SZT2: variants seen among roughly 807,000 people sequenced by gnomAD.
The protein encoded by SZT2 is KICSTOR complex protein SZT2.
In SZT2, 216 loss-of-function variants were observed where a neutral mutation model predicts 404.2. The ratio of observed to expected loss-of-function variants is 0.53; its 90% confidence interval spans 0.48 to 0.60. The LOEUF (loss-of-function observed/expected upper bound fraction) is 0.60. Ranked by LOEUF, SZT2 falls within the 20% of genes least tolerant of loss-of-function variation. The pLI, the probability that SZT2 is intolerant of heterozygous loss-of-function variation, is 0.00. For missense variants in SZT2, 3,857 were observed against 4,459.2 expected, an observed-to-expected ratio of 0.86 and a Z score of 3.85; for synonymous variants, 1,693 against 1,749.9, an observed-to-expected ratio of 0.97 and a Z score of 0.81.
intron 1 of SZT2, among the ~76,000 whole-genome samples, chr1:43,393,151 TAGA>T (rs1648609337): frequency 6.6e-6 from 1 of 152,036 alleles, no homozygotes; most frequent in Admixed American, 6.6e-5. Context: ...GAAGAATAGG[TAGA>T]AGTTTTCTAA....
chr1:43,422,378 C>CG (rs1652473340), intron 12 of SZT2, 102 bp from the exon 13 acceptor site: 13 of 1,494,600 alleles, frequency 8.7e-6, no homozygotes, highest in Non-Finnish European at 1.2e-5. Flanking sequence ...CTTCAGTCCC[C>CG]ATAACCTCAG....
chr1:43,404,222 C>CA (rs1020565274), intron 3 of SZT2, 158 bp from the exon 4 acceptor site: 25 of 660,578 alleles, frequency 3.8e-5, no homozygotes, highest in Admixed American at 6.1e-5. Context: ...TTTTTGTTTC[C>CA]AAAAAACACC....
Position 43,431,299 on chromosome 1 carries a change from T to A in SZT2, c.4951T>A (p.Ser1651Thr), listed in dbSNP as rs144533190. The A allele has an allele frequency of 1.1e-5, 17 of 1,612,274 alleles. No homozygotes were observed. Among genetic ancestry groups the A allele is most frequent in the African/African-American group, 1.3e-5 (1 of 74,784 alleles). The change falls in exon 34 of 72, where the codon TCC becomes ACC. Residue 1651 changes from serine (S) to threonine (T), a missense_variant. Transcript: ENST00000634258. Reference sequence around the variant, plus strand: ...TGAAAGCAGTGCTTCATTTCCACGATCCCCAGGGCAGCCATCATCTTTAAG... The same window carrying A: ...TGAAAGCAGTGCTTCATTTCCACGAACCCCAGGGCAGCCATCATCTTTAAG... ...TSESSASFPR[S>T]PGQPSSLRSD...
rs1480807600 is a variant in SZT2 at position 43,424,138 on chromosome 1, G to C, written c.2256-79G>C. 12 of 1,233,974 alleles carry C rather than the reference G, an allele frequency of 9.7e-6. No homozygotes were observed. The highest frequency in any genetic ancestry group is 1.2e-5 in the Non-Finnish European group (11 of 892,354). 76.4% of individuals were successfully genotyped at this position (1,233,974 alleles called of 1,614,324 possible). On this transcript the variant is annotated intron_variant, in intron 15 of 71. Transcript: ENST00000634258. This position sits in a 1 kb window ranked among gnomAD's most constrained non-coding sequence, Gnocchi z 4.1. Reference sequence around the variant, plus strand: ...GTGGAAGGGCGTGGCTTAGCCAGCTGTGAGTGGTACAGAGGTGTGGAAGGG... The same window carrying C: ...GTGGAAGGGCGTGGCTTAGCCAGCTCTGAGTGGTACAGAGGTGTGGAAGGG...
chr1:43,448,097 G>A lies in SZT2; in HGVS notation c.9582G>A (p.Val3194=). ...ACCCCAGGCTACAGTTCTTCGTGGT[G>A]CTCACCAGCCAGCGAGAGCTCTTCC... The part of the protein sequence containing the change: ...RHVLRLQFFV[V]LTSQRELFPR... The change falls in exon 69 of 72, where the codon GTG becomes GTA. Residue 3194 remains valine, a synonymous_variant. Transcript: ENST00000634258. This position sits in a 1 kb window ranked among gnomAD's most constrained non-coding sequence, Gnocchi z 4.2. 1 of 1,597,014 alleles carries A rather than the reference G, an allele frequency of 6.3e-7. No homozygotes were observed. Among genetic ancestry groups the A allele is most frequent in the Non-Finnish European group, 8.6e-7 (1 of 1,168,922 alleles).
At chr1:43,432,038 T>C in intron 36 of SZT2, 137 bp downstream of exon 36, 2 of 1,209,762 alleles carry the variant, frequency 1.7e-6, no homozygotes, top group Non-Finnish European at 1.2e-6. Flanking sequence ...CCACATCATC[T>C]GCCCTAACCC....
chr1:43,403,332 G>C (rs1377561831), intron 2 of SZT2, 30 bp downstream of exon 2: 2 of 1,605,870 alleles, frequency 1.2e-6, no homozygotes. Context: ...AAGGTGTGAG[G>C]GGCCAGCCCA....
Position 43,429,744 on chromosome 1 carries a change from C to T in SZT2, c.4208C>T (p.Thr1403Ile), listed in dbSNP as rs770275105. ...CTAAGCGAGCCTGAGTTTCAGAGCA[C>T]CCGTGTCCCTGGCATTCCAGACCCT... Reference protein sequence around the residue: ...EDLSEPEFQSTRVPGIPDPGP... With the variant: ...EDLSEPEFQSIRVPGIPDPGP... The change falls in exon 29 of 72, where the codon ACC becomes ATC. Residue 1403 changes from threonine to isoleucine, a missense_variant. This residue lies in a region of SZT2 where 1,725 missense variants were observed against 1,881.0 expected (regional missense o/e 0.92). Coordinates refer to ENST00000634258, the MANE Select transcript of SZT2 (RefSeq NM_001365999.1). 2 of 1,614,154 alleles carry T rather than the reference C, an allele frequency of 1.2e-6. No homozygotes were observed. Among genetic ancestry groups the T allele is most frequent in the South Asian group, 1.1e-5 (1 of 91,080 alleles).
chr1:43,446,594 A>G, intron 65 of SZT2, 178 bp downstream of exon 65: 1 of 741,538 alleles, frequency 1.3e-6, no homozygotes, highest in Non-Finnish European at 2.2e-6. Context: ...TGCACTCACT[A>G]CAAGGCTGAC....
Position 43,437,269 on chromosome 1 carries a change from G to A in SZT2, c.6133G>A (p.Val2045Met), listed in dbSNP as rs1270713559. 1 of 1,614,136 alleles carries A rather than the reference G, an allele frequency of 6.2e-7. No homozygotes were observed. Among genetic ancestry groups the A allele is most frequent in the Non-Finnish European group, 8.5e-7 (1 of 1,180,030 alleles). ...HFSCDVVWGTVIRVHSRLKMG... is the reference protein window; with the variant it reads ...HFSCDVVWGTMIRVHSRLKMG... The stretch of plus-strand genomic sequence containing the variant: ...CTCCTGTGACGTTGTGTGGGGAACT[G>A]TGATCCGAGTCCATTCACGCCTCAA... Residue 2045 changes from valine to methionine, a missense_variant, in exon 43 of 72, where the codon GTG becomes ATG. Physicochemically the swap from Val to Met is conservative, Grantham distance 21. Transcript: ENST00000634258. The surrounding 1 kb of genome is among the most constrained non-coding windows in gnomAD (Gnocchi z 5.3).
In SZT2 at chr1:43,452,664, GTC is replaced by G; in HGVS notation, c.*2188_*2189del. On this transcript the variant is annotated 3_prime_UTR_variant, in exon 72 of 72. Coordinates refer to ENST00000634258, the MANE Select transcript of SZT2 (RefSeq NM_001365999.1). Reference sequence around the variant, plus strand: ...CCCTTCTCAGGTATTCCATGCTGCTGTCTCTACTTCCTCTCCTCGCATCTACT... The same window carrying G: ...CCCTTCTCAGGTATTCCATGCTGCTGTCTACTTCCTCTCCTCGCATCTACT... 1.7e-6 allele frequency: 1 copy of G among 601,750 alleles called. No individual in the cohort carries two copies. Among genetic ancestry groups the G allele is most frequent in the Non-Finnish European group, 3.0e-6 (1 of 337,924 alleles). The allele number at this position is 601,750 out of a possible 1,614,324, so 37.3% of individuals were successfully genotyped here. A position where few individuals can be genotyped will look rare whatever the true frequency, so the allele number is the denominator to read the frequency against.
chr1:43,427,974 T>C (rs549286134), intron 26 of SZT2, 29 bp from the exon 27 acceptor site: 2 of 1,593,242 alleles, frequency 1.3e-6, no homozygotes, highest in African/African-American at 1.3e-5. Flanking sequence ...AGGGAGTTGG[T>C]CAAGTTCCAT....
Position 43,452,813 on chromosome 1 carries a change from C to T in SZT2, c.*2333C>T. The T allele has an allele frequency of 7.3e-7, 1 of 1,370,852 alleles. No homozygotes were observed. Among genetic ancestry groups the T allele is most frequent in the Admixed American group, 2.0e-5 (1 of 50,214 alleles). The allele number at this position is 1,370,852 out of a possible 1,614,324, so 84.9% of individuals were successfully genotyped here. A position where few individuals can be genotyped will look rare whatever the true frequency, so the allele number is the denominator to read the frequency against. ...ACATTTGAATCAGCCCCACTTTGAG[C>T]CGTCCACCTCCTCCCATCATCCCCT... On this transcript the variant is annotated 3_prime_UTR_variant, in exon 72 of 72. Transcript: ENST00000634258.
In SZT2 at chr1:43,428,483, C is replaced by T; in HGVS notation, c.4163C>T (p.Ser1388Phe). The change falls in exon 28 of 72, where the codon TCC becomes TTC. Residue 1388 changes from serine to phenylalanine, a missense_variant. By Grantham distance (155) the Ser-to-Phe change is radical. Coordinates refer to ENST00000634258, the MANE Select transcript of SZT2 (RefSeq NM_001365999.1). Reference protein sequence around the residue: ...PRERAILASESSIETEDLSEP... With the variant: ...PRERAILASEFSIETEDLSEP... The stretch of plus-strand genomic sequence containing the variant: ...GAACGAGCTATCCTAGCTTCTGAAT[C>T]CAGGTTAGGATTATACTTGAATGAT... 1.9e-6 allele frequency: 3 copies of T among 1,613,336 alleles called. No homozygotes were observed. Among genetic ancestry groups the T allele is most frequent in the Non-Finnish European group, 2.5e-6 (3 of 1,179,978 alleles).
chr1:43,408,574 C>CT (rs1435348245), intron 4 of SZT2, among the ~76,000 whole-genome samples: 7 of 152,000 alleles, frequency 4.6e-5, no homozygotes, highest in South Asian at 4.2e-4. Context: ...CCTGTCCTGC[C>CT]TTTTTTTTAT....
rs373103954 is a variant in SZT2, at chr1:43,422,600, C to T, written c.1890C>T (p.Val630=). The T allele has an allele frequency of 1.4e-5, 22 of 1,597,356 alleles. No individual in the cohort carries two copies. Among genetic ancestry groups the T allele is most frequent in the African/African-American group, 8.0e-5 (6 of 74,786 alleles). Residue 630 remains valine (V), a synonymous_variant, in exon 13 of 72, where the codon GTC becomes GTT. Coordinates refer to ENST00000634258, the MANE Select transcript of SZT2 (RefSeq NM_001365999.1). ...LLRDWSSFVL[V]EGYSYVKLLS... is the part of the protein sequence containing the mutation. ...GGGACTGGAGCAGCTTCGTACTAGT[C>T]GAGGGCTATTCTTATGTTAAGCTGC...
chr1:43,415,848 C>T, intron 5 of SZT2, 112 bp from the exon 6 acceptor site: 2 of 1,284,734 alleles, frequency 1.6e-6, no homozygotes, highest in Admixed American at 2.7e-5. Flanking sequence ...GAGGTTCTCA[C>T]AGGATTCGGC....
Position 43,430,783 on chromosome 1 carries a change from T to C in SZT2, c.4768T>C (p.Cys1590Arg), listed in dbSNP as rs1290367161. The part of the protein sequence containing the change: ...SSVPVCSLPT[C>R]LGQVLSSLEG... The stretch of plus-strand genomic sequence containing the variant: ...AGTACCTGTGTGCAGCCTGCCTACC[T>C]GCCTGGGTGAGTTTGAGGCAGCCCG... Residue 1590 changes from cysteine (C) to arginine (R), a missense_variant, in exon 32 of 72, where the codon TGC becomes CGC. Around this residue, in one of 7 missense-constraint regions of SZT2, gnomAD observed 1,725 missense variants for 1,881.0 expected, o/e 0.92. Transcript: ENST00000634258. 3.1e-6 allele frequency: 5 copies of C among 1,607,462 alleles called. No homozygotes were observed. In the Admixed American group the frequency reaches 8.3e-5, roughly 27 times the overall value.
intron 11 of SZT2, among the ~76,000 whole-genome samples, chr1:43,421,543 G>A (rs1287355628): frequency 6.6e-6 from 1 of 152,240 alleles, no homozygotes; most frequent in African/African-American, 2.4e-5. Flanking sequence ...CTCACACAGT[G>A]TCTAGGTGGT....
Sources: allele counts gnomAD v4.1 joint callset (sites outside exome capture counted in the v4.1 genomes callset), GRCh38; gene constraint gnomAD v4.1.1; regional missense constraint gnomAD v4.1.1; non-coding constraint Gnocchi (gnomAD v3.1); transcripts MANE v1.5; gene names NCBI Gene and HGNC (gene_info 2026-07-23, HGNC 2026-07-21).